SIM2: variants seen among roughly 807,000 people sequenced by gnomAD.
The protein encoded by SIM2 is SIM bHLH transcription factor 2.
A neutral mutation model predicts 64.8 loss-of-function variants in SIM2; 28 were observed. That is an observed-to-expected ratio of 0.43 (90% CI 0.32 to 0.59). The LOEUF (loss-of-function observed/expected upper bound fraction) is 0.59, where lower values mean the gene tolerates loss of function less well. SIM2 is among the 20% of genes least tolerant of loss of function. The probability of loss-of-function intolerance (pLI) is 0.07; values close to 1 mark genes in which losing one functional copy is unlikely to be tolerated. For missense variants in SIM2, 847 were observed against 871.4 expected (o/e 0.97, Z 0.35); for synonymous variants, 408 against 391.1 (o/e 1.04, Z -0.51).
At chr21:36,709,364 C>T in intron 2 of SIM2, 114 bp downstream of exon 2, 2 of 886,116 alleles carry the variant, frequency 2.3e-6, no homozygotes, top group Admixed American at 2.0e-5. Context: ...CCAGAGGCTG[C>T]CGGGGGCTGG....
intron 7 of SIM2, among the ~76,000 whole-genome samples, chr21:36,738,220 A>C (rs2089101881): frequency 6.6e-6 from 1 of 152,072 alleles, no homozygotes; most frequent in Admixed American, 6.5e-5. Flanking sequence ...TTTGAAAGTA[A>C]TAGCAGCCAG....
chr21:36,744,412 AAAAG>A (rs912409863), intron 9 of SIM2, among the ~76,000 whole-genome samples: 6 of 151,836 alleles, frequency 4.0e-5, no homozygotes, highest in African/African-American at 1.5e-4. Context: ...AAGAAAAGAA[AAAAG>A]AAATAAAGAA....
intron 3 of SIM2, among the ~76,000 whole-genome samples, chr21:36,718,350 T>C (rs1412610729): frequency 6.6e-6 from 1 of 152,170 alleles, no homozygotes; most frequent in Non-Finnish European, 1.5e-5. Context: ...GGCTGGGTTG[T>C]CCTGTTGCGT....
intron 7 of SIM2, among the ~76,000 whole-genome samples, chr21:36,734,832 AG>A (rs1166652651): frequency 4.6e-5 from 7 of 152,196 alleles, no homozygotes. Flanking sequence ...TCTCCTTCCC[AG>A]GTACAGAACC....
At position 36,747,584 on chromosome 21, in the gene SIM2, G is replaced by C; in HGVS notation, c.1577-81G>C. ...GCAGCGCGTGGGCGGCCGAGGGGTG[G>C]TGGCTGCGCCCGGGGCTTGGGGGTG... On this transcript the variant is annotated intron_variant, in intron 10 of 10. Transcript: ENST00000290399. The surrounding 1 kb of genome is among the most constrained non-coding windows in gnomAD (Gnocchi z 4.5). 9.5e-7 allele frequency: 1 copy of C among 1,048,604 alleles called. No individual in the cohort carries two copies. Among genetic ancestry groups the C allele is most frequent in the Non-Finnish European group, 1.2e-6 (1 of 846,116 alleles). 65.0% of individuals were successfully genotyped at this position (1,048,604 alleles called of 1,614,324 possible). A position where few individuals can be genotyped will look rare whatever the true frequency, so the allele number is the denominator to read the frequency against.
intron 2 of SIM2, among the ~76,000 whole-genome samples, chr21:36,711,197 T>C (rs1459165629): frequency 6.6e-6 from 1 of 152,248 alleles, no homozygotes; most frequent in Non-Finnish European, 1.5e-5. Flanking sequence ...CCTCTTTTCC[T>C]CATTATCCCA....
intron 1 of SIM2, among the ~76,000 whole-genome samples, chr21:36,707,637 G>A (rs2123421970): frequency 6.6e-6 from 1 of 151,992 alleles, no homozygotes; most frequent in East Asian, 1.9e-4. Context: ...ATAGGGAAGG[G>A]TTTGCGAAGC....
At chr21:36,731,225 C>T (rs528676401) in intron 7 of SIM2, 74 bp downstream of exon 7, 46 of 1,065,796 alleles carry the variant, frequency 4.3e-5, no homozygotes, top group Middle Eastern at 2.6e-4. Context: ...AGCCGGGGGA[C>T]GTGTCCCTTT....
At chr21:36,717,860 T>C (rs2835447) in intron 3 of SIM2, among the ~76,000 whole-genome samples, 34,229 of 152,144 alleles carry the variant, frequency 0.22, 4,329 homozygotes, top group Middle Eastern at 0.4. Context: ...CTGTTGCCAG[T>C]TTATTTAAAC....
intron 1 of SIM2, among the ~76,000 whole-genome samples, chr21:36,706,447 G>C (rs2088584262): frequency 6.6e-6 from 1 of 152,218 alleles, no homozygotes; most frequent in African/African-American, 2.4e-5. Context: ...TGCTCCAAGA[G>C]AGCAGTGAGT....
intron 2 of SIM2, among the ~76,000 whole-genome samples, chr21:36,710,961 A>G (rs540184391): frequency 6.6e-6 from 1 of 152,196 alleles, no homozygotes; most frequent in Non-Finnish European, 1.5e-5. Flanking sequence ...GTGCTGGGGA[A>G]CTTCAATGAA....
rs113460859 is a variant in SIM2, at chr21:36,712,465, G to C, written c.259-68G>C. The C allele has an allele frequency of 3.6e-3, 3,798 of 1,062,532 alleles. 102 individuals carry two copies. The African/African-American group carries it at 0.051, about 14-fold the overall frequency. The allele number at this position is 1,062,532 out of a possible 1,614,324, so 65.8% of individuals were successfully genotyped here. ...GATGCATCCCTCCATCCCAGTGACT[G>C]TACCATTGTTAGATTTAACTCTAAT... is the stretch of plus-strand genomic sequence containing the variant. On this transcript the variant is annotated intron_variant, in intron 2 of 10. Coordinates refer to ENST00000290399, the MANE Select transcript of SIM2 (RefSeq NM_005069.6).
At chr21:36,704,948 C>T (rs754880440) in intron 1 of SIM2, among the ~76,000 whole-genome samples, 2 of 152,242 alleles carry the variant, frequency 1.3e-5, no homozygotes, top group African/African-American at 4.8e-5. Context: ...AGGATTGAAG[C>T]GTGCAGAGGC....
Position 36,703,302 on chromosome 21 carries a change from G to A in SIM2, c.175+3381G>A, listed in dbSNP as rs141092374. Among the ~76,000 whole-genome samples the A allele has an allele frequency of 1.6e-3, 240 of 152,330 alleles. 1 individual carries two copies. Among genetic ancestry groups the A allele is most frequent in the Middle Eastern group, 0.01 (3 of 294 alleles). ...GGGATGTTTTCAACATTTACAGCGA[G>A]GTTTGAGGCCCCATTGTCATGCAGC... On this transcript the variant is annotated intron_variant, in intron 1 of 10. Transcript: ENST00000290399.
intron 1 of SIM2, among the ~76,000 whole-genome samples, chr21:36,704,073 G>A (rs927772389): frequency 1.3e-5 from 2 of 152,248 alleles, no homozygotes; most frequent in South Asian, 4.1e-4. Context: ...AGAAAGAATT[G>A]CTACTCCAGA....
At position 36,745,624 on chromosome 21, in the gene SIM2, C is replaced by T; in HGVS notation, c.1576+488C>T. On this transcript the variant is annotated intron_variant, in intron 10 of 10. Coordinates refer to ENST00000290399, the MANE Select transcript of SIM2 (RefSeq NM_005069.6). This position sits in a 1 kb window ranked among gnomAD's most constrained non-coding sequence, Gnocchi z 4.8. ...TGGGCTTGGGGACAGAAATGCCACT[C>T]ACCAACCCAGGGCAAAGAACACAAA... 1 of 1,130,200 alleles carries T rather than the reference C, an allele frequency of 8.8e-7. No individual in the cohort carries two copies. Among genetic ancestry groups the T allele is most frequent in the Non-Finnish European group, 1.1e-6 (1 of 905,814 alleles). The allele number at this position is 1,130,200 out of a possible 1,614,324, so 70.0% of individuals were successfully genotyped here. A position where few individuals can be genotyped will look rare whatever the true frequency, so the allele number is the denominator to read the frequency against.
intron 7 of SIM2, among the ~76,000 whole-genome samples, chr21:36,740,009 G>GAGAAAGAAAGAA (rs71840582): frequency 0.014 from 1,861 of 131,230 alleles, 29 homozygotes; most frequent in African/African-American, 0.042. Flanking sequence ...GAAAGAAAGA[G>GAGAAAGAAAGAA]AGAAAGAAAG....
intron 8 of SIM2, 98 bp from the exon 9 acceptor site, chr21:36,743,289 T>C (rs985136795): frequency 4.0e-6 from 4 of 1,012,428 alleles, no homozygotes; most frequent in Admixed American, 4.6e-5. Flanking sequence ...AAAGACACAC[T>C]GGAGCACTGA....
In SIM2 at chr21:36,712,588, C is replaced by G. The variant is rs1601690565; in HGVS notation, c.314C>G (p.Ser105Cys). The change falls in exon 3 of 11, where the codon TCC becomes TGC. Residue 105 changes from serine (S) to cysteine (C), a missense_variant. Physicochemically the swap from Ser to Cys is moderately radical, Grantham distance 112 (BLOSUM62 -1). Around this residue, in one of 3 missense-constraint regions of SIM2, gnomAD observed 397 missense variants for 439.2 expected, o/e 0.90. Transcript: ENST00000290399. ...VASDGKIMYI[S>C]ETASVHLGLS... ...TCTGATGGCAAAATCATGTATATAT[C>G]CGAGACCGCTTCTGTCCATTTAGGC... The G allele has an allele frequency of 1.2e-6, 2 of 1,613,574 alleles. No individual in the cohort carries two copies. The highest frequency in any genetic ancestry group is 1.7e-6 in the Non-Finnish European group (2 of 1,179,658).
Sources: allele counts gnomAD v4.1 joint callset (sites outside exome capture counted in the v4.1 genomes callset), GRCh38; gene constraint gnomAD v4.1.1; regional missense constraint gnomAD v4.1.1; non-coding constraint Gnocchi (gnomAD v3.1); transcripts MANE v1.5; gene names NCBI Gene and HGNC (gene_info 2026-07-23, HGNC 2026-07-21).